SAMD5: variants seen among roughly 807,000 people sequenced by gnomAD.
The protein encoded by SAMD5 is sterile alpha motif domain containing 5, also known as sterile alpha motif domain-containing protein 5.
SAMD5 carries 13 observed loss-of-function variants against 11.3 expected under a neutral mutation model. The observed-to-expected ratio is 1.15, with a 90% CI of 0.75 to 1.83. SAMD5 has a LOEUF of 1.83. Among genes scored for constraint, SAMD5 ranks in the 40% most tolerant of loss-of-function variants. The pLI is 0.00. For synonymous variants in SAMD5, 129 were observed against 111.3 expected (o/e 1.16, Z -1.00); for missense variants, 255 against 239.1 (o/e 1.07, Z -0.44).
At chr6:147,693,695 G>A (rs1791135590) in intron 1 of SAMD5, among the ~76,000 whole-genome samples, 1 of 152,204 alleles carries the variant, frequency 6.6e-6, no homozygotes, top group Non-Finnish European at 1.5e-5. Context: ...GCCGGGCGCG[G>A]TGGCTCATGC....
chr6:147,637,098 T>C (rs1290311845), intron 1 of SAMD5, among the ~76,000 whole-genome samples: 2 of 152,102 alleles, frequency 1.3e-5, no homozygotes, highest in African/African-American at 4.8e-5. Flanking sequence ...TCACATGGGT[T>C]CACACGGCAC....
At chr6:147,879,240 G>A in the SAMD5 span, among the ~76,000 whole-genome samples, 1 of 152,216 alleles carries the variant, frequency 6.6e-6, no homozygotes, top group Non-Finnish European at 1.5e-5. Flanking sequence ...CTGCTTCTGC[G>A]CAAGCAATAG....
At position 147,711,287 on chromosome 6, in the gene SAMD5, G is replaced by A. The variant is rs117202671; in HGVS notation, c.163-26030G>A. Among the ~76,000 whole-genome samples, 18 of 152,240 alleles carry A rather than the reference G, an allele frequency of 1.2e-4. 1 individual carries two copies. The East Asian group carries it at 2.3e-3, about 20-fold the overall frequency. On this transcript the variant is annotated intron_variant, in intron 1 of 1. Coordinates refer to the SAMD5 transcript ENST00000566741. The surrounding 1 kb of genome is among the most constrained non-coding windows in gnomAD (Gnocchi z 4.1). ...CCCATTGTCAGGGGTTTCACAGCTCGTAGGTTGTGGGACTGGGATTTGAAT... is the reference window on the plus strand; with the variant it reads ...CCCATTGTCAGGGGTTTCACAGCTCATAGGTTGTGGGACTGGGATTTGAAT...
the SAMD5 span, among the ~76,000 whole-genome samples, chr6:147,857,566 C>G: frequency 2.0e-5 from 3 of 151,720 alleles, no homozygotes; most frequent in Non-Finnish European, 4.4e-5. Flanking sequence ...GCATTTTATG[C>G]ATTAAATTTC....
intron 1 of SAMD5, among the ~76,000 whole-genome samples, chr6:147,695,058 C>G (rs1050121683): frequency 6.6e-6 from 1 of 152,162 alleles, no homozygotes; most frequent in African/African-American, 2.4e-5. Context: ...GAAGGCTCAT[C>G]CCATCTGTCT....
At chr6:147,938,786 G>T in the SAMD5 span, among the ~76,000 whole-genome samples, 1 of 152,144 alleles carries the variant, frequency 6.6e-6, no homozygotes, top group Non-Finnish European at 1.5e-5. Flanking sequence ...GAGGAGGAGT[G>T]GTCGACTTGG....
At chr6:147,888,249 A>G in the SAMD5 span, among the ~76,000 whole-genome samples, 1 of 152,108 alleles carries the variant, frequency 6.6e-6, no homozygotes, top group Non-Finnish European at 1.5e-5. Context: ...TATTTTCTCC[A>G]GTAATCTTTA....
chr6:147,856,350 A>G, the SAMD5 span, among the ~76,000 whole-genome samples: 1 of 152,150 alleles, frequency 6.6e-6, no homozygotes, highest in South Asian at 2.1e-4. Flanking sequence ...GGGGTGACGC[A>G]TATGTTCATT....
the SAMD5 span, among the ~76,000 whole-genome samples, chr6:147,813,803 G>A: frequency 6.6e-6 from 1 of 152,216 alleles, no homozygotes; most frequent in Non-Finnish European, 1.5e-5. Flanking sequence ...TTTGGACTGA[G>A]TACCTGTGAT....
At chr6:147,802,589 CAGA>C in the SAMD5 span, among the ~76,000 whole-genome samples, 2 of 150,834 alleles carry the variant, frequency 1.3e-5, no homozygotes, top group Admixed American at 6.6e-5. Context: ...CGTATGTTCA[CAGA>C]AGATTTGTGC....
chr6:147,558,987 T>C (rs1187482341), intron 1 of SAMD5, among the ~76,000 whole-genome samples: 1 of 152,222 alleles, frequency 6.6e-6, no homozygotes. Context: ...CTATTAAACT[T>C]CTTGAAAGAG....
At chr6:147,942,316 C>G in the SAMD5 span, among the ~76,000 whole-genome samples, 50,480 of 152,072 alleles carry the variant, frequency 0.33, 8,908 homozygotes, top group South Asian at 0.53. Context: ...TTCAGATTTG[C>G]GGAGAATTAG....
intron 1 of SAMD5, among the ~76,000 whole-genome samples, chr6:147,514,178 C>T (rs1265734533): frequency 6.6e-6 from 1 of 151,966 alleles, no homozygotes; most frequent in Non-Finnish European, 1.5e-5. Context: ...GAATTGTGCC[C>T]AGAGCGCATA....
At chr6:147,660,730 T>G (rs1790637033) in intron 1 of SAMD5, 1 of 152,292 alleles carries the variant, frequency 6.6e-6, no homozygotes, top group Admixed American at 6.5e-5. Context: ...TCTGGCCGCG[T>G]TAAGATGTGG....
chr6:147,565,792 A>G lies in SAMD5; in HGVS notation c.*1336A>G. Reference sequence around the variant, plus strand: ...TGGTAGTTTTATTTTCTGCTTAGAAAACGCAACCATGTTGATGGGACCAAA... The same window carrying G: ...TGGTAGTTTTATTTTCTGCTTAGAAGACGCAACCATGTTGATGGGACCAAA... On this transcript the variant is annotated 3_prime_UTR_variant, in exon 2 of 2. Coordinates refer to ENST00000367474, the MANE Select transcript of SAMD5 (RefSeq NM_001030060.3). 12 of 985,290 alleles carry G rather than the reference A, an allele frequency of 1.2e-5. No individual in the cohort carries two copies. The highest frequency in any genetic ancestry group is 1.4e-5 in the Non-Finnish European group (12 of 829,912). The allele number at this position is 985,290 out of a possible 1,614,324, so 61.0% of individuals were successfully genotyped here. A position where few individuals can be genotyped will look rare whatever the true frequency, so the allele number is the denominator to read the frequency against.
the SAMD5 span, among the ~76,000 whole-genome samples, chr6:147,900,547 GGCTAATGTGTGCTTGGTCGGCA>G: frequency 1.3e-5 from 2 of 152,214 alleles, no homozygotes; most frequent in Non-Finnish European, 2.9e-5. Context: ...GGAGACAGGA[GGCTAATGTGTGCTTGGTCGGCA>G]GCTCACCTGC....
chr6:147,803,372 C>T, the SAMD5 span, among the ~76,000 whole-genome samples: 2 of 152,114 alleles, frequency 1.3e-5, no homozygotes, highest in Admixed American at 6.6e-5. Flanking sequence ...CGGCCATCGT[C>T]GTCTCTCACC....
chr6:147,856,877 T>A, the SAMD5 span, among the ~76,000 whole-genome samples: 2 of 151,944 alleles, frequency 1.3e-5, no homozygotes, highest in Admixed American at 6.5e-5. Flanking sequence ...CTGTAAGGAT[T>A]TTTTTAGTAG....
the SAMD5 span, among the ~76,000 whole-genome samples, chr6:147,907,096 G>T: frequency 1.4e-3 from 218 of 152,164 alleles, 2 homozygotes; most frequent in Non-Finnish European, 1.5e-3. Flanking sequence ...AATGCAGAGG[G>T]CCTCCTCTGA....
Sources: gnomAD v4.1 joint callset for allele counts (sites outside exome capture counted in the v4.1 genomes callset) on GRCh38, gnomAD v4.1.1 for gene constraint, Gnocchi (gnomAD v3.1) non-coding constraint, MANE v1.5 for transcripts, NCBI Gene and HGNC (gene_info 2026-07-23, HGNC 2026-07-21) for gene names.